TDRD6: variants seen among roughly 807,000 people sequenced by gnomAD.
TDRD6 encodes the protein tudor domain containing 6, also known as tudor domain-containing protein 6.
In TDRD6, 186 loss-of-function variants were observed where a neutral mutation model predicts 157.5. The ratio of observed to expected loss-of-function variants is 1.18; its 90% CI spans 1.05 to 1.33. The LOEUF (loss-of-function observed/expected upper bound fraction) is 1.33, where lower values mean the gene tolerates loss of function less well. Among genes scored for constraint, TDRD6 ranks in the 40% most tolerant of loss-of-function variants. The probability of loss-of-function intolerance (pLI) is 0.00; values close to 1 mark genes in which losing one functional copy is unlikely to be tolerated. For missense variants in TDRD6, 3,066 were observed against 2,508.0 expected (o/e 1.22, Z -4.75); for synonymous variants, 1,075 against 945.2 (o/e 1.14, Z -2.52).
chr6:46,691,078 A>G lies in TDRD6; in HGVS notation c.2950A>G (p.Ile984Val), dbSNP rs755816653. The part of the protein sequence containing the change: ...SYFYSTHDMK[I>V]GSEELVYITH... Reference sequence around the variant, plus strand: ...CTTCTATTCTACACATGATATGAAAATTGGAAGTGAAGAATTAGTTTATAT... The same window carrying G: ...CTTCTATTCTACACATGATATGAAAGTTGGAAGTGAAGAATTAGTTTATAT... The change falls in exon 1 of 4, where the codon ATT becomes GTT. Residue 984 changes from isoleucine (I) to valine (V), a missense_variant. Physicochemically the swap from Ile to Val is conservative, Grantham distance 29 (BLOSUM62 3). Coordinates refer to ENST00000316081, the MANE Select transcript of TDRD6 (RefSeq NM_001010870.3). The G allele has an allele frequency of 6.2e-6, 10 of 1,613,884 alleles. No homozygotes were observed. The highest frequency in any genetic ancestry group is 6.8e-6 in the Non-Finnish European group (8 of 1,179,886).
At position 46,689,266 on chromosome 6, in the gene TDRD6, G is replaced by A. The variant is rs1268655368; in HGVS notation, c.1138G>A (p.Gly380Arg). The A allele has an allele frequency of 2.5e-6, 4 of 1,614,164 alleles. No individual in the cohort carries two copies. Among genetic ancestry groups the A allele is most frequent in the East Asian group, 2.2e-5 (1 of 44,886 alleles). ...GGTGACCTACCCTTGTGCTTTGTAT[G>A]GACTCTGGGACGGTGGGAGAGGCTG... ...PVVTYPCALYGLWDGGRGWSR... is the reference protein window; with the variant it reads ...PVVTYPCALYRLWDGGRGWSR... Residue 380 changes from glycine to arginine, a missense_variant, in exon 1 of 4, where the codon GGA becomes AGA. Transcript: ENST00000316081.
upstream of TDRD6, among the ~76,000 whole-genome samples, chr6:46,684,286 T>G (rs949456005): frequency 6.6e-6 from 1 of 152,166 alleles, no homozygotes; most frequent in African/African-American, 2.4e-5. Flanking sequence ...CCATGACTGT[T>G]GTACACAATC....
chr6:46,700,778 G>A (rs1764605605), intron 3 of TDRD6, among the ~76,000 whole-genome samples: 1 of 152,170 alleles, frequency 6.6e-6, no homozygotes, highest in African/African-American at 2.4e-5. Context: ...TACTCCCTGT[G>A]TAGAGTGCTC....
chr6:46,687,995 C>T lies in TDRD6; in HGVS notation c.-134C>T, dbSNP rs976125562. 2 of 1,323,454 alleles carry T rather than the reference C, an allele frequency of 1.5e-6. No homozygotes were observed. Among genetic ancestry groups the T allele is most frequent in the Admixed American group, 3.7e-5 (1 of 27,208 alleles). The allele number at this position is 1,323,454 out of a possible 1,614,324, so 82.0% of individuals were successfully genotyped here. A position where few individuals can be genotyped will look rare whatever the true frequency, so the allele number is the denominator to read the frequency against. On this transcript the variant is annotated 5_prime_UTR_variant, in exon 1 of 4. Transcript: ENST00000316081. ...GGGAGTTGCCGAGAAAAGGCCTCGC[C>T]GGCATTCTTCCCCTCCACTGGGTCC...
chr6:46,694,317 C>T (rs1274315081), intron 1 of TDRD6, 143 bp downstream of exon 1: 2 of 562,960 alleles, frequency 3.6e-6, no homozygotes, highest in Non-Finnish European at 5.9e-6. Flanking sequence ...ATTTTCCCAC[C>T]TCAGCCTCCC....
At position 46,701,930 on chromosome 6, in the gene TDRD6, T is replaced by G; in HGVS notation, c.*43T>G. The G allele has an allele frequency of 6.2e-7, 1 of 1,605,658 alleles. No homozygotes were observed. The highest frequency in any genetic ancestry group is 8.5e-7 in the Non-Finnish European group (1 of 1,173,704). ...TGGCCAATCAGTCAGAAGCTGCCCT[T>G]GAACAAGTGGCATCTTACGCAGACC... is the stretch of plus-strand genomic sequence containing the variant. On this transcript the variant is annotated 3_prime_UTR_variant, in exon 4 of 4. Coordinates refer to ENST00000316081, the MANE Select transcript of TDRD6 (RefSeq NM_001010870.3).
In TDRD6 at chr6:46,691,434, T is replaced by C. The variant is rs1267387247; in HGVS notation, c.3306T>C (p.Asp1102=). Reference sequence around the variant, plus strand: ...AAGCTGTCAGATGTTCATTATCTGATATTCCTGATCATATACCAGAAGAAG... The same window carrying C: ...AAGCTGTCAGATGTTCATTATCTGACATTCCTGATCATATACCAGAAGAAG... ...PMQAVRCSLS[D]IPDHIPEEVV... Residue 1102 remains aspartate, a synonymous_variant, in exon 1 of 4, where the codon GAT becomes GAC. Coordinates refer to ENST00000316081, the MANE Select transcript of TDRD6 (RefSeq NM_001010870.3). 6.2e-6 allele frequency: 10 copies of C among 1,613,982 alleles called. No individual in the cohort carries two copies. The highest frequency in any genetic ancestry group is 8.5e-6 in the Non-Finnish European group (10 of 1,179,966).
Position 46,690,905 on chromosome 6 carries a change from C to T in TDRD6, c.2777C>T (p.Ala926Val), listed in dbSNP as rs1232281320. 8 of 1,613,886 alleles carry T rather than the reference C, an allele frequency of 5.0e-6. No individual in the cohort carries two copies. Among genetic ancestry groups the T allele is most frequent in the South Asian group, 2.2e-5 (2 of 91,074 alleles). Residue 926 changes from alanine to valine, a missense_variant, in exon 1 of 4, where the codon GCT becomes GTT. By Grantham distance (64) the Ala-to-Val change is moderately conservative. Coordinates refer to ENST00000316081, the MANE Select transcript of TDRD6 (RefSeq NM_001010870.3). ...CTAGAATTAAAATGTACAATATTTGCTCTGGCTTCAATTAATGAAGAACTG... is the reference window on the plus strand; with the variant it reads ...CTAGAATTAAAATGTACAATATTTGTTCTGGCTTCAATTAATGAAGAACTG... ...KNLELKCTIF[A>V]LASINEELFN...
chr6:46,684,048 TG>T (rs1175268030), upstream of TDRD6, among the ~76,000 whole-genome samples: 2 of 152,168 alleles, frequency 1.3e-5, no homozygotes, highest in African/African-American at 4.8e-5. Flanking sequence ...ATTATTTGCC[TG>T]GGTCACATGG....
chr6:46,683,846 G>A (rs1764019759), upstream of TDRD6, among the ~76,000 whole-genome samples: 1 of 151,950 alleles, frequency 6.6e-6, no homozygotes, highest in Non-Finnish European at 1.5e-5. Flanking sequence ...TATTATCCAT[G>A]TCACCCTGAG....
chr6:46,689,384 A>C lies in TDRD6; in HGVS notation c.1256A>C (p.Tyr419Ser), dbSNP rs148932695. The change falls in exon 1 of 4, where the codon TAT (tyrosine) becomes TCT (serine). Residue 419 changes from tyrosine to serine, a missense_variant. Transcript: ENST00000316081. ...TTTTATTGCTCCTTTGAGCATGTGTATTATGTCAGCCTGTATGGAGAAGAT... is the reference window on the plus strand; with the variant it reads ...TTTTATTGCTCCTTTGAGCATGTGTCTTATGTCAGCCTGTATGGAGAAGAT... ...IEFYCSFEHVYYVSLYGEDGI... is the reference protein window; with the variant it reads ...IEFYCSFEHVSYVSLYGEDGI... 6.2e-7 allele frequency: 1 copy of C among 1,613,788 alleles called. No individual in the cohort carries two copies. Among genetic ancestry groups the C allele is most frequent in the African/African-American group, 1.3e-5 (1 of 74,904 alleles).
At chr6:46,681,330 T>C in the TDRD6 span, among the ~76,000 whole-genome samples, 1 of 152,200 alleles carries the variant, frequency 6.6e-6, no homozygotes, top group Non-Finnish European at 1.5e-5. Flanking sequence ...AAATTGAGAA[T>C]TTGATAGTTT....
upstream of TDRD6, among the ~76,000 whole-genome samples, chr6:46,684,096 A>C (rs1764028555): frequency 6.6e-6 from 1 of 152,100 alleles, no homozygotes; most frequent in Admixed American, 6.6e-5. Flanking sequence ...TGTAATTCAA[A>C]AGACTATGCT....
At position 46,691,840 on chromosome 6, in the gene TDRD6, CA is replaced by C. The variant is rs775737532; in HGVS notation, c.3714del (p.Gln1238HisfsTer16). The C allele has an allele frequency of 1.9e-6, 3 of 1,602,298 alleles. No homozygotes were observed. The highest frequency in any genetic ancestry group is 2.5e-6 in the Non-Finnish European group (3 of 1,177,200). On this transcript the variant is annotated frameshift_variant, in exon 1 of 4. Coordinates refer to ENST00000316081, the MANE Select transcript of TDRD6 (RefSeq NM_001010870.3). LOFTEE classifies it high-confidence loss of function. ...TTTAACAAAAACAAACTTAGTCACT[CA>C]ATATCAAGACTCTGTGGGAAATAAA... Reference protein sequence around the residue: ...QSLTKTNLVTQYQDSVGNKNS... With the variant: ...QSLTKTNLVTXYQDSVGNKNS...
At position 46,689,567 on chromosome 6, in the gene TDRD6, C is replaced by CT; in HGVS notation, c.1440dup (p.Ile481TyrfsTer17). ...GAGATTTCACTCCCAGCCTTAAGAT[C>CT]TATCAGGTTAAAGATGAATGCCTTC... On this transcript the variant is annotated frameshift_variant, in exon 1 of 4. Coordinates refer to ENST00000316081, the MANE Select transcript of TDRD6 (RefSeq NM_001010870.3). LOFTEE classifies it high-confidence loss of function. 6.2e-7 allele frequency: 1 copy of CT among 1,614,146 alleles called. No homozygotes were observed. Among genetic ancestry groups the CT allele is most frequent in the South Asian group, 1.1e-5 (1 of 91,080 alleles).
At position 46,688,961 on chromosome 6, in the gene TDRD6, G is replaced by A; in HGVS notation, c.833G>A (p.Arg278His). ...QLRSVSQEIHRLSESMAQVYR... is the reference protein window; with the variant it reads ...QLRSVSQEIHHLSESMAQVYR... Reference sequence around the variant, plus strand: ...CGCAGCGTCTCGCAGGAGATCCACCGCCTCTCCGAGAGCATGGCCCAGGTA... The same window carrying A: ...CGCAGCGTCTCGCAGGAGATCCACCACCTCTCCGAGAGCATGGCCCAGGTA... Residue 278 changes from arginine to histidine, a missense_variant, in exon 1 of 4, where the codon CGC (arginine) becomes CAC (histidine). Arg to His is a conservative substitution (Grantham distance 29, BLOSUM62 0). Transcript: ENST00000316081. 6.2e-7 allele frequency: 1 copy of A among 1,613,110 alleles called. No individual in the cohort carries two copies. Among genetic ancestry groups the A allele is most frequent in the Non-Finnish European group, 8.5e-7 (1 of 1,179,356 alleles).
chr6:46,691,107 GCA>G lies in TDRD6; in HGVS notation c.2980_2981del (p.His994TyrfsTer2). 1 of 1,613,844 alleles carries G rather than the reference GCA, an allele frequency of 6.2e-7. No individual in the cohort carries two copies. The highest frequency in any genetic ancestry group is 8.5e-7 in the Non-Finnish European group (1 of 1,179,910). ...IGSEELVYIT[H>X]IDDPWTFYCQ... ...GAAGTGAAGAATTAGTTTATATAAC[GCA>G]TATTGATGACCCTTGGACATTTTAT... On this transcript the variant is annotated frameshift_variant, in exon 1 of 4. Transcript: ENST00000316081. LOFTEE classifies it high-confidence loss of function.
rs749954327 is a variant in TDRD6, at chr6:46,689,542, G to C, written c.1414G>C (p.Glu472Gln). The C allele has an allele frequency of 6.2e-7, 1 of 1,613,990 alleles. No individual in the cohort carries two copies. The highest frequency in any genetic ancestry group is 1.3e-5 in the African/African-American group (1 of 74,910). ...SQSPAEEVDE[E>Q]ISLPALRSIR... The stretch of plus-strand genomic sequence containing the variant: ...GTCTCCTGCTGAAGAAGTAGATGAA[G>C]AGATTTCACTCCCAGCCTTAAGATC... Residue 472 changes from glutamate to glutamine, a missense_variant, in exon 1 of 4, where the codon GAG becomes CAG. Coordinates refer to ENST00000316081, the MANE Select transcript of TDRD6 (RefSeq NM_001010870.3).
At chr6:46,696,058 T>A (rs1282014896) in intron 2 of TDRD6, 113 bp downstream of exon 2, 9 of 1,193,938 alleles carry the variant, frequency 7.5e-6, no homozygotes, top group South Asian at 1.5e-5. Context: ...ACTTGCTTGT[T>A]CCCCCTGATA....
Sources: gnomAD v4.1 joint callset for allele counts (sites outside exome capture counted in the v4.1 genomes callset) on GRCh38, gnomAD v4.1.1 for gene constraint, MANE v1.5 for transcripts, NCBI Gene and HGNC (gene_info 2026-07-23, HGNC 2026-07-21) for gene names.